Variants in PCDHA2 observed in about 807,000 individuals in gnomAD.
PCDHA2 encodes protocadherin alpha 2.
In PCDHA2, 58 loss-of-function variants were observed where a neutral mutation model predicts 66.0. The ratio of observed to expected loss-of-function variants is 0.88; its 90% CI spans 0.71 to 1.09. PCDHA2 has a LOEUF of 1.09. PCDHA2 is among the 50% of genes least tolerant of loss of function. The pLI, the probability that PCDHA2 is intolerant of heterozygous loss-of-function variation, is 0.00. For synonymous variants in PCDHA2, 634 were observed against 554.0 expected (o/e 1.14, Z -2.03); for missense variants, 1,267 against 1,242.3 (o/e 1.02, Z -0.30).
chr5:140,841,831 C>A, intron 1 of PCDHA2: 1 of 1,613,930 alleles, frequency 6.2e-7, no homozygotes, highest in Non-Finnish European at 8.5e-7. Context: ...TGTTAACCTA[C>A]AGGCTTAGCT....
intron 1 of PCDHA2, chr5:140,828,124 G>A (rs1769541261): frequency 1.9e-6 from 3 of 1,613,068 alleles, no homozygotes; most frequent in Non-Finnish European, 2.5e-6. Context: ...GATTGGGAAA[G>A]CAATGTCTGC....
chr5:140,891,956 G>T (rs528674370), intron 1 of PCDHA2, among the ~76,000 whole-genome samples: 1 of 152,344 alleles, frequency 6.6e-6, no homozygotes, highest in South Asian at 2.1e-4. Flanking sequence ...CCAGAATTGT[G>T]AGAAGTAAAT....
intron 1 of PCDHA2, among the ~76,000 whole-genome samples, chr5:140,978,171 G>C (rs1386184793): frequency 6.6e-6 from 1 of 152,186 alleles, no homozygotes; most frequent in Non-Finnish European, 1.5e-5. Context: ...AGAGTTTGTA[G>C]AGAGAGGGCA....
At chr5:140,836,147 C>T in intron 1 of PCDHA2, 1 of 1,613,754 alleles carries the variant, frequency 6.2e-7, no homozygotes, top group African/African-American at 1.3e-5. Flanking sequence ...TGGGCGCGGG[C>T]CATGTGGTGG....
intron 1 of PCDHA2, chr5:140,853,906 C>G: frequency 1.0e-6 from 1 of 955,174 alleles, no homozygotes; most frequent in Non-Finnish European, 1.3e-6. Flanking sequence ...GGTGGCCTGA[C>G]ACCTGCAATC....
chr5:140,893,568 C>T (rs1554185659), intron 1 of PCDHA2, among the ~76,000 whole-genome samples: 1 of 152,150 alleles, frequency 6.6e-6, no homozygotes, highest in Non-Finnish European at 1.5e-5. Flanking sequence ...TGTACTTCCT[C>T]AGTTTTTGCT....
chr5:140,892,054 T>G (rs1409591142), intron 1 of PCDHA2, among the ~76,000 whole-genome samples: 4 of 152,244 alleles, frequency 2.6e-5, no homozygotes, highest in African/African-American at 7.2e-5. Flanking sequence ...TTTTTCAAAT[T>G]TATTGTTACT....
intron 3 of PCDHA2, among the ~76,000 whole-genome samples, chr5:140,989,450 T>C (rs1299416259): frequency 6.6e-6 from 1 of 152,208 alleles, no homozygotes; most frequent in Admixed American, 6.5e-5. Context: ...TTGTTTAGAA[T>C]TGTTAGGCTT....
At chr5:140,827,922 C>A in intron 1 of PCDHA2, 1 of 952,492 alleles carries the variant, frequency 1.0e-6, no homozygotes, top group Non-Finnish European at 1.6e-6. Context: ...TCGCTGTCTA[C>A]CATGAAGTTA....
intron 1 of PCDHA2, among the ~76,000 whole-genome samples, chr5:140,908,700 G>A (rs1357815625): frequency 6.6e-6 from 1 of 152,184 alleles, no homozygotes; most frequent in Non-Finnish European, 1.5e-5. Flanking sequence ...GACACCTCAA[G>A]CACCATTGGA....
At chr5:140,915,840 G>C (rs1554197129) in intron 1 of PCDHA2, among the ~76,000 whole-genome samples, 1 of 152,142 alleles carries the variant, frequency 6.6e-6, no homozygotes, top group African/African-American at 2.4e-5. Context: ...AGATCAGCAG[G>C]GGGTGACACC....
intron 1 of PCDHA2, chr5:140,857,534 C>G: frequency 1.9e-6 from 3 of 1,597,458 alleles, no homozygotes; most frequent in Non-Finnish European, 2.6e-6. Flanking sequence ...TCTGGTGGAG[C>G]GGCGGTTGGG....
chr5:140,920,927 A>G (rs1350465462), intron 1 of PCDHA2, among the ~76,000 whole-genome samples: 1 of 151,716 alleles, frequency 6.6e-6, no homozygotes, highest in East Asian at 1.9e-4. Context: ...AGAGTAGGTG[A>G]TCTAGCCCTT....
chr5:140,851,463 G>C (rs1194351869), intron 1 of PCDHA2: 1 of 894,166 alleles, frequency 1.1e-6, no homozygotes, highest in Non-Finnish European at 1.4e-6. Flanking sequence ...ATCAAATTAT[G>C]TCAATAAATG....
chr5:140,854,562 C>G (rs1316320721), intron 1 of PCDHA2: 1 of 149,730 alleles, frequency 6.7e-6, no homozygotes, highest in Non-Finnish European at 1.5e-5. Flanking sequence ...AATATTGTTG[C>G]TCTGTCATTC....
chr5:141,005,701 C>CAAAAAAAA (rs59860837), intron 3 of PCDHA2, among the ~76,000 whole-genome samples: 3 of 7,792 alleles, frequency 3.9e-4, no homozygotes, highest in East Asian at 6.4e-3. Flanking sequence ...AACTCCGTCT[C>CAAAAAAAA]AAAAAAAAAA....
At chr5:140,830,280 G>T (rs2150184170) in intron 1 of PCDHA2, 1 of 1,613,766 alleles carries the variant, frequency 6.2e-7, no homozygotes, top group East Asian at 2.2e-5. Flanking sequence ...CCCACCGAGG[G>T]CGCGTGCACG....
intron 1 of PCDHA2, chr5:140,927,681 G>A: frequency 6.2e-7 from 1 of 1,614,180 alleles, no homozygotes; most frequent in Non-Finnish European, 8.5e-7. Flanking sequence ...CAGATGAAGG[G>A]TCCAATGGGG....
At chr5:140,929,508 A>T in intron 1 of PCDHA2, 1 of 831,408 alleles carries the variant, frequency 1.2e-6, no homozygotes, top group Non-Finnish European at 1.7e-6. Context: ...CCTAGGCCTC[A>T]AGGGACTTAT....
Sources: gnomAD v4.1 joint callset for allele counts (sites outside exome capture counted in the v4.1 genomes callset) on GRCh38, gnomAD v4.1.1 for gene constraint, MANE v1.5 for transcripts, NCBI Gene and HGNC (gene_info 2026-07-23, HGNC 2026-07-21) for gene names.